Variants in GADL1 observed in about 807,000 individuals in gnomAD.
The protein encoded by GADL1 is GAD like acidic amino acid decarboxylase 1, also known as acidic amino acid decarboxylase GADL1.
In GADL1, 71 loss-of-function variants were observed where a neutral mutation model predicts 69.5. The observed-to-expected ratio is 1.02, with a 90% confidence interval of 0.84 to 1.25. The LOEUF (loss-of-function observed/expected upper bound fraction) is 1.25. Ranked by LOEUF, GADL1 falls within the 50% of genes most tolerant of loss-of-function variation. GADL1 has a pLI of 0.00. For synonymous variants in GADL1, 254 were observed against 214.4 expected (o/e 1.18, Z -1.62); for missense variants, 737 against 631.8 (o/e 1.17, Z -1.79).
At chr3:30,827,316 CTGCATTAGGACCAGTACACAT>C (rs1293873006) in intron 11 of GADL1, among the ~76,000 whole-genome samples, 3 of 151,812 alleles carry the variant, frequency 2.0e-5, no homozygotes, top group African/African-American at 7.3e-5. Context: ...AGTTCAAGCC[CTGCATTAGGACCAGTACACAT>C]TTATGACTAG....
chr3:30,797,808 T>G (rs887726130), intron 12 of GADL1: 1 of 152,146 alleles, frequency 6.6e-6, no homozygotes, highest in Non-Finnish European at 1.5e-5. Context: ...AAATCCAGGT[T>G]TTTTATAAAT....
At position 30,861,698 on chromosome 3, in the gene GADL1, CA is replaced by C. The variant is rs1484750606; in HGVS notation, c.104del (p.Leu35ArgfsTer21). On this transcript the variant is annotated frameshift_variant, in exon 2 of 15. Transcript: ENST00000282538. LOFTEE classifies it high-confidence loss of function. ...CTTTTGCATCTGTTGTAGGACCATT[CA>C]GCACAACCCCATCCACAAGAACAGC... ...KNAVLVDGVV[L>X]NGPTTDAKAG... is the part of the protein sequence containing the mutation. 6.5e-7 allele frequency: 1 copy of C among 1,549,780 alleles called. No individual in the cohort carries two copies. The highest frequency in any genetic ancestry group is 2.4e-5 in the East Asian group (1 of 40,872).
rs528056743 is a variant in GADL1 at position 30,866,579 on chromosome 3, A to G, written c.38-4814T>C. Among the ~76,000 whole-genome samples the G allele has an allele frequency of 2.6e-5, 4 of 152,220 alleles. No individual in the cohort carries two copies. In the South Asian group the frequency reaches 8.3e-4, roughly 32 times the overall value. On this transcript the variant is annotated intron_variant, in intron 1 of 14. Coordinates refer to ENST00000282538, the MANE Select transcript of GADL1 (RefSeq NM_207359.3). ...TCAAATGACCAGGGTAATAAACTCT[A>G]GACCAAGTGGCTGGTGAGTTATCAC... is the stretch of plus-strand genomic sequence containing the variant.
At chr3:30,784,241 G>A (rs932705920) in intron 13 of GADL1, among the ~76,000 whole-genome samples, 1 of 152,080 alleles carries the variant, frequency 6.6e-6, no homozygotes, top group Non-Finnish European at 1.5e-5. Context: ...ACTGTTACAA[G>A]AATTACTTTT....
intron 14 of GADL1, among the ~76,000 whole-genome samples, chr3:30,740,957 TTATTATA>T (rs1695609296): frequency 8.1e-6 from 1 of 124,190 alleles, no homozygotes; most frequent in East Asian, 2.2e-4. Context: ...TCAAATATAT[TTATTATA>T]TATTATATAT....
chr3:30,875,673 G>T (rs1405524339), intron 1 of GADL1, among the ~76,000 whole-genome samples: 1 of 151,830 alleles, frequency 6.6e-6, no homozygotes, highest in Non-Finnish European at 1.5e-5. Flanking sequence ...ATATTAAATA[G>T]GATCTGATTT....
At chr3:30,763,691 C>A (rs764369511) in intron 14 of GADL1, among the ~76,000 whole-genome samples, 2 of 152,130 alleles carry the variant, frequency 1.3e-5, no homozygotes, top group Non-Finnish European at 2.9e-5. Context: ...GAATACCATA[C>A]GTTACATCAA....
intron 10 of GADL1, 114 bp downstream of exon 10, chr3:30,834,103 G>GT (rs1295586563): frequency 9.7e-7 from 1 of 1,034,806 alleles, no homozygotes; most frequent in Non-Finnish European, 1.5e-6. Flanking sequence ...TTTTGTTGTT[G>GT]TTTATTTAAG....
At chr3:30,760,895 A>G (rs1474745382) in intron 14 of GADL1, among the ~76,000 whole-genome samples, 1 of 152,152 alleles carries the variant, frequency 6.6e-6, no homozygotes, top group Non-Finnish European at 1.5e-5. Context: ...GAAAGGACAT[A>G]GGGAAACTGG....
At chr3:30,893,208 A>G (rs943609234) in intron 1 of GADL1, among the ~76,000 whole-genome samples, 1 of 152,246 alleles carries the variant, frequency 6.6e-6, no homozygotes, top group African/African-American at 2.4e-5. Flanking sequence ...TAAGAGTCTG[A>G]CAAAATGCCT....
At chr3:30,811,198 C>T (rs930844255) in intron 11 of GADL1, among the ~76,000 whole-genome samples, 4 of 152,046 alleles carry the variant, frequency 2.6e-5, no homozygotes, top group African/African-American at 9.7e-5. Flanking sequence ...CTTAAATACC[C>T]CTAACTAAGG....
chr3:30,781,473 A>G (rs1696663932), intron 13 of GADL1, among the ~76,000 whole-genome samples: 1 of 152,236 alleles, frequency 6.6e-6, no homozygotes, highest in Non-Finnish European at 1.5e-5. Flanking sequence ...ATGTAAATGC[A>G]GAATCCAGCA....
chr3:30,766,432 C>T (rs1418559817), intron 14 of GADL1, among the ~76,000 whole-genome samples: 1 of 152,166 alleles, frequency 6.6e-6, no homozygotes, highest in Non-Finnish European at 1.5e-5. Flanking sequence ...GGAAAAGGAA[C>T]CCCACATTTA....
chr3:30,802,057 T>C (rs930186176), intron 11 of GADL1, among the ~76,000 whole-genome samples: 1 of 152,242 alleles, frequency 6.6e-6, no homozygotes, highest in Non-Finnish European at 1.5e-5. Flanking sequence ...CGAAGTTTAC[T>C]GACACTAAAC....
chr3:30,797,664 G>GTTTTTTT (rs1242496468), intron 12 of GADL1: 1 of 112,338 alleles, frequency 8.9e-6, no homozygotes, highest in Admixed American at 9.3e-5. Flanking sequence ...GTTTTGTTTT[G>GTTTTTTT]TTTTTGTTTT....
intron 12 of GADL1, among the ~76,000 whole-genome samples, chr3:30,793,220 T>C (rs1276908311): frequency 1.3e-5 from 2 of 152,134 alleles, no homozygotes; most frequent in Non-Finnish European, 2.9e-5. Context: ...GTGTTTCTAC[T>C]AAAAAGTACC....
At chr3:30,744,737 T>C (rs1355186726) in intron 14 of GADL1, among the ~76,000 whole-genome samples, 1 of 152,036 alleles carries the variant, frequency 6.6e-6, no homozygotes. Context: ...AAAAGCTACA[T>C]AGTAAATATT....
At chr3:30,800,087 T>C (rs1337319843) in intron 12 of GADL1, 1 of 153,232 alleles carries the variant, frequency 6.5e-6, no homozygotes, top group Non-Finnish European at 1.5e-5. Context: ...CGCTTCCACA[T>C]TTTTGGGTAT....
intron 14 of GADL1, among the ~76,000 whole-genome samples, chr3:30,764,809 C>T (rs577394288): frequency 1.9e-4 from 29 of 152,144 alleles, no homozygotes; most frequent in African/African-American, 6.5e-4. Flanking sequence ...AATCTCCATT[C>T]GGAATTAGGC....
Sources: gnomAD v4.1 joint callset for allele counts (sites outside exome capture counted in the v4.1 genomes callset) on GRCh38, gnomAD v4.1.1 for gene constraint, MANE v1.5 for transcripts, NCBI Gene and HGNC (gene_info 2026-07-23, HGNC 2026-07-21) for gene names.